Variants in CLDN16 observed in about 807,000 individuals in gnomAD.
CLDN16 encodes claudin-16.
Under a neutral mutation model 24.6 loss-of-function variants are expected in CLDN16, and 13 were observed. The ratio of observed to expected loss-of-function variants is 0.53; its 90% CI spans 0.34 to 0.84. The LOEUF is 0.84. CLDN16 is among the 40% of genes least tolerant of loss of function. The probability of loss-of-function intolerance (pLI) is 0.01; values close to 1 mark genes in which losing one functional copy is unlikely to be tolerated. For missense variants in CLDN16, 298 were observed against 292.7 expected (o/e 1.02, Z -0.13); for synonymous variants, 116 against 106.7 (o/e 1.09, Z -0.54).
chr3:190,375,715 C>T (rs1021539601), intron 3 of CLDN16, among the ~76,000 whole-genome samples: 3 of 151,850 alleles, frequency 2.0e-5, no homozygotes, highest in Non-Finnish European at 2.9e-5. Flanking sequence ...CTCTATCCAG[C>T]GAGGTTTTTG....
At chr3:190,328,116 TAC>T (rs1433137117) in intron 1 of CLDN16, among the ~76,000 whole-genome samples, 1 of 76,822 alleles carries the variant, frequency 1.3e-5, no homozygotes, top group Non-Finnish European at 2.2e-5. Context: ...ATTCCATCTC[TAC>T]AAAAAAAAAA....
intron 2 of CLDN16, among the ~76,000 whole-genome samples, chr3:190,373,597 T>C (rs1403554743): frequency 6.6e-6 from 1 of 151,964 alleles, no homozygotes; most frequent in African/African-American, 2.4e-5. Context: ...ATGCATTGCA[T>C]TTAACTAATT....
intron 1 of CLDN16, among the ~76,000 whole-genome samples, chr3:190,343,844 C>G (rs1022318029): frequency 1.3e-5 from 2 of 151,708 alleles, no homozygotes; most frequent in African/African-American, 4.8e-5. Context: ...AAGATACAGG[C>G]CAGAGGATAC....
upstream of CLDN16, among the ~76,000 whole-genome samples, chr3:190,321,743 C>T (rs1037794944): frequency 6.6e-6 from 1 of 152,160 alleles, no homozygotes; most frequent in Admixed American, 6.5e-5. Context: ...TAGGATGAAG[C>T]CACACCTAGA....
chr3:190,357,315 TCTAA>T (rs1341612500), intron 1 of CLDN16, among the ~76,000 whole-genome samples: 1 of 151,918 alleles, frequency 6.6e-6, no homozygotes, highest in Non-Finnish European at 1.5e-5. Flanking sequence ...CAGGCCCTTC[TCTAA>T]CTGAGAACTC....
chr3:190,349,211 C>T (rs771434349), intron 1 of CLDN16, among the ~76,000 whole-genome samples: 4 of 152,054 alleles, frequency 2.6e-5, no homozygotes, highest in East Asian at 1.9e-4. Context: ...TGGTGGGAGG[C>T]GATTGGATCA....
intron 1 of CLDN16, among the ~76,000 whole-genome samples, chr3:190,328,353 TTCTC>T (rs1300680123): frequency 1.3e-5 from 2 of 152,170 alleles, no homozygotes; most frequent in African/African-American, 4.8e-5. Flanking sequence ...TGATACTACT[TTCTC>T]TCTCCATTAG....
chr3:190,402,622 T>C (rs1434152313), intron 2 of CLDN16, among the ~76,000 whole-genome samples, 183 bp downstream of exon 2: 1 of 152,210 alleles, frequency 6.6e-6, no homozygotes, highest in African/African-American at 2.4e-5. Flanking sequence ...GCACATTTTC[T>C]CTTTTCTCAT....
intron 1 of CLDN16, among the ~76,000 whole-genome samples, chr3:190,335,441 G>A (rs112382202): frequency 0.031 from 4,762 of 152,130 alleles, 116 homozygotes; most frequent in South Asian, 0.081. Context: ...CTGGCTGGGT[G>A]CAGTGGCTCA....
chr3:190,320,968 C>T (rs893052), upstream of CLDN16, among the ~76,000 whole-genome samples: 1 of 131,800 alleles, frequency 7.6e-6, no homozygotes, highest in African/African-American at 2.8e-5. Flanking sequence ...ATTTAAAAAA[C>T]AAAGTAAAAC....
intron 1 of CLDN16, among the ~76,000 whole-genome samples, chr3:190,324,677 C>T (rs1338472414): frequency 1.3e-5 from 2 of 152,162 alleles, no homozygotes; most frequent in East Asian, 3.9e-4. Context: ...CTGTGCGAGG[C>T]TGATTACTTC....
intron 1 of CLDN16, among the ~76,000 whole-genome samples, chr3:190,357,596 G>A (rs112343141): frequency 0.028 from 4,297 of 151,928 alleles, 96 homozygotes; most frequent in East Asian, 0.056. Context: ...GTATGATACT[G>A]AAAGTTCTTC....
At chr3:190,406,497 T>C (rs538328810) in intron 3 of CLDN16, among the ~76,000 whole-genome samples, 2 of 152,204 alleles carry the variant, frequency 1.3e-5, no homozygotes, top group African/African-American at 4.8e-5. Flanking sequence ...ATTTAAAAAA[T>C]AAGTCACTGA....
chr3:190,392,257 C>T (rs1366102044), intron 1 of CLDN16, among the ~76,000 whole-genome samples: 1 of 151,464 alleles, frequency 6.6e-6, no homozygotes, highest in Non-Finnish European at 1.5e-5. Flanking sequence ...CCTTCATTTC[C>T]TTGTTCCTTC....
the CLDN16 span, chr3:190,308,337 A>C: frequency 6.2e-7 from 1 of 1,613,842 alleles, no homozygotes; most frequent in South Asian, 1.1e-5. Flanking sequence ...GTGTTGGGTA[A>C]GAGGTTGTTT....
chr3:190,305,020 C>T, the CLDN16 span, among the ~76,000 whole-genome samples: 2 of 152,198 alleles, frequency 1.3e-5, no homozygotes, highest in South Asian at 4.1e-4. Flanking sequence ...CTTCTGCTGG[C>T]CTTGGCCTTA....
At position 190,365,287 on chromosome 3, in the gene CLDN16, C is replaced by T. The variant is rs374769590; in HGVS notation, n.122-5606C>T. ...CTCATTCTGTAACAGCCTTCCCTGCCGTCAGTCCTGGCCTTCTCAGGATAG... is the reference window on the plus strand; with the variant it reads ...CTCATTCTGTAACAGCCTTCCCTGCTGTCAGTCCTGGCCTTCTCAGGATAG... On this transcript the variant is annotated intron_variant and non_coding_transcript_variant, in intron 1 of 4. Coordinates refer to the CLDN16 transcript ENST00000468220. Among the ~76,000 whole-genome samples the T allele has an allele frequency of 5.3e-5, 8 of 151,668 alleles. No homozygotes were observed. The East Asian group carries it at 7.8e-4, about 15-fold the overall frequency.
chr3:190,365,149 A>G (rs1455637611), intron 1 of CLDN16, among the ~76,000 whole-genome samples: 2 of 151,724 alleles, frequency 1.3e-5, no homozygotes, highest in African/African-American at 4.8e-5. Context: ...CACAGGTCTC[A>G]TGTTTCCTGG....
the CLDN16 span, among the ~76,000 whole-genome samples, chr3:190,297,743 T>C: frequency 5.0e-5 from 7 of 140,152 alleles, no homozygotes; most frequent in African/African-American, 7.9e-5. Flanking sequence ...TATATATATA[T>C]ACACACATAT....
Sources: allele counts gnomAD v4.1 joint callset (sites outside exome capture counted in the v4.1 genomes callset), GRCh38; gene constraint gnomAD v4.1.1; transcripts MANE v1.5; gene names NCBI Gene and HGNC (gene_info 2026-07-23, HGNC 2026-07-21).